VEGFC: variants seen among roughly 807,000 people sequenced by gnomAD.
VEGFC encodes the protein FLT4 ligand DHM.
Under a neutral mutation model 46.1 loss-of-function variants are expected in VEGFC, and 12 were observed. The ratio of observed to expected loss-of-function variants is 0.26; its 90% CI spans 0.17 to 0.42. The LOEUF (loss-of-function observed/expected upper bound fraction) is 0.42, where lower values mean the gene tolerates loss of function less well. Ranked by LOEUF, VEGFC falls within the 10% of genes least tolerant of loss-of-function variation. The pLI is 1.00. For missense variants in VEGFC, 488 were observed against 529.4 expected (o/e 0.92, Z 0.77); for synonymous variants, 232 against 195.5 (o/e 1.19, Z -1.56).
chr4:176,687,131 G>C, intron 6 of VEGFC, 56 bp downstream of exon 6: 9 of 1,532,224 alleles, frequency 5.9e-6, no homozygotes, highest in Non-Finnish European at 7.9e-6. Flanking sequence ...AACTGCTTTT[G>C]GTTTAGAGCA....
chr4:176,730,097 A>C (rs886695566), intron 1 of VEGFC, among the ~76,000 whole-genome samples: 1 of 152,172 alleles, frequency 6.6e-6, no homozygotes, highest in Non-Finnish European at 1.5e-5. Context: ...AAACAGATAA[A>C]ATTACACTGA....
intron 1 of VEGFC, among the ~76,000 whole-genome samples, chr4:176,741,068 A>ATAC (rs1232877418): frequency 3.9e-5 from 6 of 151,976 alleles, no homozygotes; most frequent in Admixed American, 1.3e-4. Context: ...TTCATTGTCC[A>ATAC]ATATCTCTTA....
chr4:176,736,018 A>T (rs1735047179), intron 1 of VEGFC, among the ~76,000 whole-genome samples: 1 of 151,864 alleles, frequency 6.6e-6, no homozygotes, highest in South Asian at 2.1e-4. Flanking sequence ...AATTTACCTC[A>T]TTACATGCTA....
In VEGFC at chr4:176,687,893, A is replaced by G; in HGVS notation, c.739T>C (p.Tyr247His). 6.2e-7 allele frequency: 1 copy of G among 1,613,458 alleles called. No homozygotes were observed. The highest frequency in any genetic ancestry group is 1.7e-5 in the Admixed American group (1 of 59,908). The change falls in exon 5 of 7, where the codon TAC (tyrosine) becomes CAC (histidine). Residue 247 changes from tyrosine (Y) to histidine (H), a missense_variant. Transcript: ENST00000618562. ...QAANKTCPTN[Y>H]MWNNHICRCL... ...CTGCAGATGTGATTATTCCACATGT[A>G]ATTGGTGGGGCAGGTCTTGTTCGCT... is the stretch of plus-strand genomic sequence containing the variant.
At chr4:176,725,572 T>G (rs560362415) in intron 3 of VEGFC, among the ~76,000 whole-genome samples, 29 of 152,306 alleles carry the variant, frequency 1.9e-4, no homozygotes, top group South Asian at 8.3e-4. Flanking sequence ...GAAGGTTATC[T>G]TATTAGTTGG....
intron 1 of VEGFC, among the ~76,000 whole-genome samples, chr4:176,761,517 C>T (rs1735529436): frequency 6.6e-6 from 1 of 152,012 alleles, no homozygotes; most frequent in Non-Finnish European, 1.5e-5. Context: ...ATGAATAAAT[C>T]AGCAAATACA....
At chr4:176,693,107 A>G (rs1249740167) in intron 4 of VEGFC, among the ~76,000 whole-genome samples, 1 of 152,168 alleles carries the variant, frequency 6.6e-6, no homozygotes, top group Non-Finnish European at 1.5e-5. Context: ...CTTACCAGCA[A>G]TGGAACAAAG....
Position 176,711,559 on chromosome 4 carries a change from A to T in VEGFC, c.644T>A (p.Leu215Gln). The T allele has an allele frequency of 1.9e-6, 3 of 1,613,788 alleles. No homozygotes were observed. Among genetic ancestry groups the T allele is most frequent in the Non-Finnish European group, 2.5e-6 (3 of 1,179,762 alleles). ...NHTSCRCMSKLDVYRQVHSII... is the reference protein window; with the variant it reads ...NHTSCRCMSKQDVYRQVHSII... The stretch of plus-strand genomic sequence containing the variant: ...GGAATGAACTTGTCTGTAAACATCC[A>T]GTTTAGACATGCATCGGCAGGAAGT... The change falls in exon 4 of 7, where the codon CTG becomes CAG. Residue 215 changes from leucine to glutamine, a missense_variant. By Grantham distance (113) the Leu-to-Gln change is moderately radical. Transcript: ENST00000618562.
At chr4:176,719,397 C>A (rs1350610835) in intron 3 of VEGFC, among the ~76,000 whole-genome samples, 2 of 152,126 alleles carry the variant, frequency 1.3e-5, no homozygotes, top group African/African-American at 2.4e-5. Context: ...TCATACTACA[C>A]TGATAATGCA....
chr4:176,695,305 C>T (rs1309963004), intron 4 of VEGFC, among the ~76,000 whole-genome samples: 4 of 149,662 alleles, frequency 2.7e-5, no homozygotes, highest in Non-Finnish European at 4.5e-5. Context: ...ATATCACCAC[C>T]GATCCCACAG....
At chr4:176,691,130 AG>A (rs1734171111) in intron 4 of VEGFC, among the ~76,000 whole-genome samples, 1 of 152,214 alleles carries the variant, frequency 6.6e-6, no homozygotes, top group Non-Finnish European at 1.5e-5. Flanking sequence ...AATGGTGGGC[AG>A]GGGGTCAACA....
chr4:176,718,952 A>G (rs1458387775), intron 3 of VEGFC, among the ~76,000 whole-genome samples: 1 of 152,198 alleles, frequency 6.6e-6, no homozygotes, highest in African/African-American at 2.4e-5. Context: ...AAGAAAATAT[A>G]CTCAAAGTGT....
At chr4:176,772,098 T>A (rs1019609779) in intron 1 of VEGFC, among the ~76,000 whole-genome samples, 5 of 152,088 alleles carry the variant, frequency 3.3e-5, no homozygotes, top group African/African-American at 1.2e-4. Flanking sequence ...AAGGCAAAAT[T>A]TGAATATTTC....
At chr4:176,790,179 G>A (rs749964264) in intron 1 of VEGFC, among the ~76,000 whole-genome samples, 1 of 152,150 alleles carries the variant, frequency 6.6e-6, no homozygotes, top group African/African-American at 2.4e-5. Flanking sequence ...GCCCTGTCAA[G>A]GCTCTATTCA....
chr4:176,729,656 T>C lies in VEGFC; in HGVS notation c.238A>G (p.Met80Val), dbSNP rs1734929020. 6.2e-7 allele frequency: 1 copy of C among 1,613,806 alleles called. No individual in the cohort carries two copies. The highest frequency in any genetic ancestry group is 8.5e-7 in the Non-Finnish European group (1 of 1,179,868). The change falls in exon 2 of 7, where the codon ATG becomes GTG. Residue 80 changes from methionine to valine, a missense_variant. By Grantham distance (21) the Met-to-Val change is conservative. Transcript: ENST00000618562. ...MTVLYPEYWK[M>V]YKCQLRKGGW... ...CCTTTCCTTAGCTGACACTTGTACA[T>C]TTTCCAATATTCTGGGTAGAGTACA...
intron 3 of VEGFC, among the ~76,000 whole-genome samples, chr4:176,718,622 A>G (rs1171492300): frequency 2.0e-5 from 3 of 152,170 alleles, no homozygotes. Flanking sequence ...ATTAGCTCAT[A>G]GCAAGCTAGC....
chr4:176,712,929 G>A lies in VEGFC; in HGVS notation c.553-1279C>T, dbSNP rs556384891. Among the ~76,000 whole-genome samples the A allele has an allele frequency of 3.3e-4, 50 of 152,288 alleles. No individual in the cohort carries two copies. The Middle Eastern group carries it at 0.017, about 52-fold the overall frequency. On this transcript the variant is annotated intron_variant, in intron 3 of 6. Coordinates refer to ENST00000618562, the MANE Select transcript of VEGFC (RefSeq NM_005429.5). ...AGAAATAGGTACAGGGTTATACCCA[G>A]ACAGGTGGCTTTTATTAGCTCTCCC... is the stretch of plus-strand genomic sequence containing the variant.
intron 4 of VEGFC, chr4:176,689,517 G>A (rs1042964275): frequency 4.6e-5 from 7 of 152,130 alleles, no homozygotes; most frequent in African/African-American, 1.7e-4. Context: ...CATGGGGAAG[G>A]TCTCTTCATT....
intron 1 of VEGFC, among the ~76,000 whole-genome samples, chr4:176,782,408 G>A (rs1300187840): frequency 6.6e-6 from 1 of 151,540 alleles, no homozygotes; most frequent in Non-Finnish European, 1.5e-5. Flanking sequence ...AGGCTGCAAC[G>A]AGCCACGTTC....
Sources: gnomAD v4.1 joint callset for allele counts (sites outside exome capture counted in the v4.1 genomes callset) on GRCh38, gnomAD v4.1.1 for gene constraint, MANE v1.5 for transcripts, NCBI Gene and HGNC (gene_info 2026-07-23, HGNC 2026-07-21) for gene names.